Variants in WNT3A observed in about 807,000 individuals in gnomAD.
WNT3A encodes the protein protein Wnt-3a.
Under a neutral mutation model 37.0 loss-of-function variants are expected in WNT3A, and 17 were observed. The observed-to-expected ratio is 0.46, with a 90% CI of 0.31 to 0.69. The LOEUF (loss-of-function observed/expected upper bound fraction) is 0.69, where lower values mean the gene tolerates loss of function less well. Ranked by LOEUF, WNT3A falls within the 30% of genes least tolerant of loss-of-function variation. The pLI is 0.05. For synonymous variants in WNT3A, 187 were observed against 211.0 expected (o/e 0.89, Z 0.99); for missense variants, 411 against 510.2 (o/e 0.81, Z 1.87).
chr1:228,059,848 G>T lies in WNT3A; in HGVS notation c.*383G>T. ...CCCCTCCCAGTAAGGGCGTGGCTCTGGGTGGGCGGGGCACTAGGTAGGCTT... is the reference window on the plus strand; with the variant it reads ...CCCCTCCCAGTAAGGGCGTGGCTCTTGGTGGGCGGGGCACTAGGTAGGCTT... On this transcript the variant is annotated 3_prime_UTR_variant, in exon 4 of 4. Coordinates refer to ENST00000284523, the MANE Select transcript of WNT3A (RefSeq NM_033131.4). 1.9e-6 allele frequency: 2 copies of T among 1,069,574 alleles called. No individual in the cohort carries two copies. The highest frequency in any genetic ancestry group is 5.0e-5 in the Admixed American group (1 of 19,822). The allele number at this position is 1,069,574 out of a possible 1,614,324, so 66.3% of individuals were successfully genotyped here.
rs551253004 is a variant in WNT3A at position 228,017,817 on chromosome 1, C to T, written c.72-4850C>T. Among the ~76,000 whole-genome samples, 45 of 152,338 alleles carry T rather than the reference C, an allele frequency of 3.0e-4. No individual in the cohort carries two copies. The South Asian group carries it at 9.3e-3, about 32-fold the overall frequency. On this transcript the variant is annotated intron_variant, in intron 1 of 3. Transcript: ENST00000284523. Reference sequence around the variant, plus strand: ...ATAGCAAGATGCTGGAGGTGGCAGCCTGGCCTTCAGATCCTTCTCCTTCTC... The same window carrying T: ...ATAGCAAGATGCTGGAGGTGGCAGCTTGGCCTTCAGATCCTTCTCCTTCTC...
At chr1:228,040,842 C>T (rs1338893771) in intron 2 of WNT3A, among the ~76,000 whole-genome samples, 3 of 148,382 alleles carry the variant, frequency 2.0e-5, no homozygotes, top group Non-Finnish European at 4.4e-5. Context: ...GCCGAGATCG[C>T]GCCACTGCAC....
chr1:228,043,051 A>G (rs1266625817), intron 2 of WNT3A, among the ~76,000 whole-genome samples: 1 of 152,146 alleles, frequency 6.6e-6, no homozygotes, highest in Admixed American at 6.5e-5. Flanking sequence ...GATGCACGAT[A>G]GATGAATGGA....
rs2031203664 is a variant in WNT3A, at chr1:228,038,755, T to C, written c.314-11901T>C. ...CGGGGGGCTGTGTTCGCTGTGACCC[T>C]CCATCCCCCAGGATGCCTGAAGGCC... is the stretch of plus-strand genomic sequence containing the variant. On this transcript the variant is annotated intron_variant, in intron 2 of 3. Transcript: ENST00000284523. This position sits in a 1 kb window ranked among gnomAD's most constrained non-coding sequence, Gnocchi z 5.7. 6.6e-6 allele frequency among the ~76,000 whole-genome samples: 1 copy of C among 152,104 alleles called. No homozygotes were observed. The highest frequency in any genetic ancestry group is 2.1e-4 in the South Asian group (1 of 4,820).
chr1:228,029,841 G>A (rs541432337), intron 2 of WNT3A, among the ~76,000 whole-genome samples: 4 of 151,984 alleles, frequency 2.6e-5, no homozygotes, highest in African/African-American at 4.8e-5. Flanking sequence ...AAAGCCTCAT[G>A]AGTGGGATCA....
At chr1:228,013,363 C>T (rs537828543) in intron 1 of WNT3A, among the ~76,000 whole-genome samples, 1 of 152,326 alleles carries the variant, frequency 6.6e-6, no homozygotes, top group African/African-American at 2.4e-5. Context: ...TCCCTACTGG[C>T]CTCCCCAGGT....
chr1:228,046,845 T>C (rs965924725), intron 2 of WNT3A, among the ~76,000 whole-genome samples: 6 of 151,858 alleles, frequency 4.0e-5, no homozygotes, highest in Non-Finnish European at 8.8e-5. Flanking sequence ...TGCATGTGTG[T>C]GTGCATGTGC....
Position 228,059,606 on chromosome 1 carries a change from TG to T in WNT3A, c.*146del. Reference sequence around the variant, plus strand: ...CCTCCCTGGGGGTGGGGCTCCTACCTGGGGGCAGAACTCCTACCTGAAGGCA... The same window carrying T: ...CCTCCCTGGGGGTGGGGCTCCTACCTGGGGCAGAACTCCTACCTGAAGGCA... On this transcript the variant is annotated 3_prime_UTR_variant, in exon 4 of 4. Transcript: ENST00000284523. 2 of 1,389,108 alleles carry T rather than the reference TG, an allele frequency of 1.4e-6. No homozygotes were observed. The highest frequency in any genetic ancestry group is 1.9e-6 in the Non-Finnish European group (2 of 1,079,424). The allele number at this position is 1,389,108 out of a possible 1,614,324, so 86.0% of individuals were successfully genotyped here. A position where few individuals can be genotyped will look rare whatever the true frequency, so the allele number is the denominator to read the frequency against.
At chr1:228,026,330 C>T (rs184151032) in intron 2 of WNT3A, among the ~76,000 whole-genome samples, 1 of 152,186 alleles carries the variant, frequency 6.6e-6, no homozygotes, top group Admixed American at 6.5e-5. Context: ...CTAGGACTTC[C>T]AGTGCTATGT....
intron 2 of WNT3A, among the ~76,000 whole-genome samples, chr1:228,043,433 G>T (rs746355487): frequency 4.6e-5 from 7 of 152,172 alleles, no homozygotes; most frequent in African/African-American, 1.7e-4. Flanking sequence ...TGGGAACTCC[G>T]ACAGTCCACT....
chr1:228,010,203 A>G (rs2030329460), intron 1 of WNT3A, among the ~76,000 whole-genome samples: 1 of 152,190 alleles, frequency 6.6e-6, no homozygotes, highest in Non-Finnish European at 1.5e-5. Context: ...CCATCTGAGA[A>G]CAATCCCCAG....
chr1:228,036,693 C>T (rs1040930391), intron 2 of WNT3A, among the ~76,000 whole-genome samples: 9 of 152,180 alleles, frequency 5.9e-5, no homozygotes, highest in Admixed American at 2.0e-4. Flanking sequence ...TGTCCCCTGC[C>T]GCAGGACCCA....
Position 228,037,136 on chromosome 1 carries a change from C to T in WNT3A, c.314-13520C>T, listed in dbSNP as rs2031163136. Among the ~76,000 whole-genome samples, 1 of 152,120 alleles carries T rather than the reference C, an allele frequency of 6.6e-6. No individual in the cohort carries two copies. Among genetic ancestry groups the T allele is most frequent in the Non-Finnish European group, 1.5e-5 (1 of 67,988 alleles). ...CCCACAACTCCCAGTGGACACTTCC[C>T]AGAGCCCTGGGGTTTGCTTCTTCGT... On this transcript the variant is annotated intron_variant, in intron 2 of 3. Transcript: ENST00000284523. The surrounding 1 kb of genome is among the most constrained non-coding windows in gnomAD (Gnocchi z 4.1).
intron 2 of WNT3A, among the ~76,000 whole-genome samples, chr1:228,026,038 C>T (rs1031432228): frequency 6.6e-6 from 1 of 151,914 alleles, no homozygotes; most frequent in East Asian, 1.9e-4. Context: ...GGGTTACAGG[C>T]GTGAGCCACT....
At position 228,011,741 on chromosome 1, in the gene WNT3A, G is replaced by A. The variant is rs186608224; in HGVS notation, c.71+4542G>A. The stretch of plus-strand genomic sequence containing the variant: ...CACTAGCAAATAAAACTCGTGAAAC[G>A]AGCTGAGTGGAGCCACCAGGCCAGC... On this transcript the variant is annotated intron_variant, in intron 1 of 3. Coordinates refer to ENST00000284523, the MANE Select transcript of WNT3A (RefSeq NM_033131.4). 3.3e-4 allele frequency among the ~76,000 whole-genome samples: 50 copies of A among 152,368 alleles called. No homozygotes were observed. In the East Asian group the frequency reaches 8.3e-3, roughly 25 times the overall value.
intron 2 of WNT3A, among the ~76,000 whole-genome samples, chr1:228,046,634 G>A (rs540771719): frequency 3.3e-5 from 5 of 150,800 alleles, no homozygotes; most frequent in African/African-American, 1.2e-4. Context: ...TGGTATGTGT[G>A]GTATGCCTGC....
intron 2 of WNT3A, among the ~76,000 whole-genome samples, chr1:228,043,269 G>A (rs2031330846): frequency 6.6e-6 from 1 of 152,178 alleles, no homozygotes; most frequent in Non-Finnish European, 1.5e-5. Flanking sequence ...TCCAACAACT[G>A]ATTGCTGTGT....
intron 2 of WNT3A, among the ~76,000 whole-genome samples, chr1:228,025,004 G>T (rs2030818084): frequency 6.6e-6 from 1 of 152,192 alleles, no homozygotes; most frequent in African/African-American, 2.4e-5. Context: ...CTGTATGTCT[G>T]TCCTGTCACC....
intron 1 of WNT3A, among the ~76,000 whole-genome samples, chr1:228,021,517 A>G (rs752339201): frequency 6.6e-6 from 1 of 152,112 alleles, no homozygotes; most frequent in Non-Finnish European, 1.5e-5. Flanking sequence ...ACGGGAGCCC[A>G]TGCCTTCGGG....
Sources: allele counts gnomAD v4.1 joint callset (sites outside exome capture counted in the v4.1 genomes callset), GRCh38; gene constraint gnomAD v4.1.1; non-coding constraint Gnocchi (gnomAD v3.1); transcripts MANE v1.5; gene names NCBI Gene and HGNC (gene_info 2026-07-23, HGNC 2026-07-21).